The following SCRIB variants were observed in gnomAD, a reference collection of about 807,000 sequenced individuals.
SCRIB encodes scribble planar cell polarity protein, also known as protein scribble homolog.
A neutral mutation model predicts 170.0 loss-of-function variants in SCRIB; 72 were observed. The ratio of observed to expected loss-of-function variants is 0.42; its 90% CI spans 0.35 to 0.52. The LOEUF (loss-of-function observed/expected upper bound fraction) is 0.52, where lower values mean the gene tolerates loss of function less well. SCRIB is among the 20% of genes least tolerant of loss of function. The probability of loss-of-function intolerance (pLI) is 0.02; values close to 1 mark genes in which losing one functional copy is unlikely to be tolerated. For synonymous variants in SCRIB, 1,298 were observed against 1,044.3 expected (o/e 1.24, Z -4.68); for missense variants, 2,475 against 2,338.5 (o/e 1.06, Z -1.20).
intron 24 of SCRIB, among the ~76,000 whole-genome samples, chr8:143,801,168 A>C (rs1409487797): frequency 6.6e-6 from 1 of 152,216 alleles, no homozygotes; most frequent in Non-Finnish European, 1.5e-5. Flanking sequence ...TTTCCCCCAA[A>C]TCACTGGGGA....
chr8:143,796,006 G>A (rs190743416), intron 24 of SCRIB, among the ~76,000 whole-genome samples: 25 of 152,218 alleles, frequency 1.6e-4, no homozygotes, highest in African/African-American at 1.2e-4. Flanking sequence ...CAGGAGGCCC[G>A]GCCAGCTCTG....
At chr8:143,798,026 A>G (rs541441814) in intron 24 of SCRIB, among the ~76,000 whole-genome samples, 10 of 152,256 alleles carry the variant, frequency 6.6e-5, no homozygotes, top group Non-Finnish European at 1.3e-4. Flanking sequence ...GTCTGGGAGC[A>G]GAGAGATGGA....
intron 15 of SCRIB, 44 bp downstream of exon 15, chr8:143,808,565 G>T: frequency 6.7e-7 from 1 of 1,492,920 alleles, no homozygotes; most frequent in South Asian, 1.4e-5. Flanking sequence ...TGCCCAGGAG[G>T]GCCAGGGGAA....
intron 24 of SCRIB, 120 bp downstream of exon 24, chr8:143,803,263 G>A (rs1815248618): frequency 3.1e-6 from 3 of 967,928 alleles, no homozygotes; most frequent in Admixed American, 6.0e-5. Flanking sequence ...CAGAGCCGCA[G>A]AGCACCGCCC....
chr8:143,791,358 G>A (rs1554632574), intron 36 of SCRIB, 31 bp downstream of exon 36: 1 of 1,601,718 alleles, frequency 6.2e-7, no homozygotes, highest in East Asian at 2.3e-5. Flanking sequence ...CTGGGCTCCT[G>A]GGAGCTCACC....
At chr8:143,792,464 G>A (rs200622215) in intron 31 of SCRIB, 21 bp downstream of exon 31, 53 of 1,520,986 alleles carry the variant, frequency 3.5e-5, no homozygotes, top group Admixed American at 2.5e-4. Context: ...AGTAGGGGGC[G>A]TCTGGTGGGC....
In SCRIB at chr8:143,808,839, G is replaced by A. The variant is rs768616017; in HGVS notation, c.1885C>T (p.Leu629=). Residue 629 remains leucine (L), a synonymous_variant, in exon 15 of 37, where the codon CTG becomes TTG. Coordinates refer to ENST00000356994, the MANE Select transcript of SCRIB (RefSeq NM_182706.5). Reference sequence around the variant, plus strand: ...TCCCCATCAGGCTGCATGCCCTGCAGCAGAGCCACAACGGCCTCGGGCTGG... The same window carrying A: ...TCCCCATCAGGCTGCATGCCCTGCAACAGAGCCACAACGGCCTCGGGCTGG... ...LPQPEAVVAL[L]QGMQPDGEGP... is the part of the protein sequence containing the mutation. The A allele has an allele frequency of 2.5e-6, 4 of 1,611,454 alleles. No individual in the cohort carries two copies. In the South Asian group the frequency reaches 3.3e-5, roughly 13 times the overall value.
In SCRIB at chr8:143,803,464, C is replaced by T. The variant is rs140741334; in HGVS notation, c.3522G>A (p.Val1174=). The T allele has an allele frequency of 3.6e-5, 58 of 1,598,616 alleles. No individual in the cohort carries two copies. The highest frequency in any genetic ancestry group is 4.7e-5 in the Non-Finnish European group (55 of 1,178,616). Residue 1174 remains valine, a synonymous_variant, in exon 24 of 37, where the codon GTG becomes GTA. Coordinates refer to ENST00000356994, the MANE Select transcript of SCRIB (RefSeq NM_182706.5). ...SLLGLTHGEA[V]QLLRSVGDTL... ...TGTCGCCCACACTGCGGAGCAGCTG[C>T]ACCGCCTCGCCGTGCGTCAGGCCCA...
At chr8:143,804,463 T>A (rs1815318472) in intron 21 of SCRIB, 105 bp downstream of exon 21, 1 of 1,261,464 alleles carries the variant, frequency 7.9e-7, no homozygotes, top group Admixed American at 3.0e-5. Context: ...GCAGGCCGGC[T>A]TCCCACCTGG....
chr8:143,814,977 C>T (rs1815998503), intron 1 of SCRIB: 3 of 506,198 alleles, frequency 5.9e-6, no homozygotes, highest in Admixed American at 3.9e-5. Context: ...TCTGAGGCTC[C>T]GCCTCCAGGC....
intron 9 of SCRIB, 66 bp downstream of exon 9, chr8:143,812,200 G>GA (rs1815764317): frequency 9.6e-7 from 1 of 1,045,630 alleles, no homozygotes; most frequent in Admixed American, 1.7e-5. Flanking sequence ...GACACAGGCT[G>GA]ATGCCCTGTC....
chr8:143,811,845 T>A (rs4875059), intron 9 of SCRIB, among the ~76,000 whole-genome samples: 92 of 152,234 alleles, frequency 6.0e-4, no homozygotes, highest in African/African-American at 2.0e-3. Context: ...TTTCCCAGCC[T>A]GGGGATGGGG....
Position 143,812,898 on chromosome 8 carries a change from G to A in SCRIB, c.706C>T (p.Pro236Ser), listed in dbSNP as rs1815810840. 6.2e-6 allele frequency: 10 copies of A among 1,611,314 alleles called. No homozygotes were observed. Among genetic ancestry groups the A allele is most frequent in the Non-Finnish European group, 8.5e-6 (10 of 1,179,906 alleles). ...DVSENRLEEL[P>S]AELGGLVLLT... Reference sequence around the variant, plus strand: ...AGCACCAGCCCGCCGAGCTCAGCAGGCAGCTCCTCCAGCCGGTTTTCCGAC... The same window carrying A: ...AGCACCAGCCCGCCGAGCTCAGCAGACAGCTCCTCCAGCCGGTTTTCCGAC... Residue 236 changes from proline (P) to serine (S), a missense_variant, in exon 8 of 37, where the codon CCT (proline) becomes TCT (serine). Around this residue, in one of 3 missense-constraint regions of SCRIB, gnomAD observed 487 missense variants for 558.1 expected, o/e 0.87. Transcript: ENST00000356994.
intron 14 of SCRIB, 53 bp from the exon 15 acceptor site, chr8:143,809,078 A>G: frequency 1.3e-6 from 2 of 1,558,984 alleles, no homozygotes. Flanking sequence ...GTGCTTCCAC[A>G]GGAAGACCCT....
rs560593220 is a variant in SCRIB, at chr8:143,803,107, C to T, written c.3603+276G>A. ...TCTTTTAGGACCAGACCACGTAGTG[C>T]GTCCCAAACACACGCCCCTCCCACC... On this transcript the variant is annotated intron_variant, in intron 24 of 36. Coordinates refer to ENST00000356994, the MANE Select transcript of SCRIB (RefSeq NM_182706.5). Among the ~76,000 whole-genome samples the T allele has an allele frequency of 5.3e-5, 8 of 152,276 alleles. No homozygotes were observed. In the East Asian group the frequency reaches 9.7e-4, roughly 18 times the overall value.
Position 143,808,809 on chromosome 8 carries a change from G to A in SCRIB, c.1915C>T (p.Pro639Ser), listed in dbSNP as rs1554637290. ...LQGMQPDGEGPVAPGGWHNGP... is the reference protein window; with the variant it reads ...LQGMQPDGEGSVAPGGWHNGP... ...TTGTGCCAGCCCCCGGGAGCCACAG[G>A]GCCCTCCCCATCAGGCTGCATGCCC... The change falls in exon 15 of 37, where the codon CCT becomes TCT. Residue 639 changes from proline (P) to serine (S), a missense_variant. Physicochemically the swap from Pro to Ser is moderately conservative, Grantham distance 74 (BLOSUM62 -1). This residue lies in a region of SCRIB where 1,966 missense variants were observed against 1,742.9 expected (regional missense o/e 1.13). Transcript: ENST00000356994. The A allele has an allele frequency of 1.9e-6, 3 of 1,612,228 alleles. No individual in the cohort carries two copies. The highest frequency in any genetic ancestry group is 2.5e-6 in the Non-Finnish European group (3 of 1,179,588).
chr8:143,798,864 C>T (rs1815055369), intron 24 of SCRIB, among the ~76,000 whole-genome samples: 1 of 152,098 alleles, frequency 6.6e-6, no homozygotes, highest in Non-Finnish European at 1.5e-5. Flanking sequence ...GGCCAGGTCC[C>T]ACACAAAAAT....
At chr8:143,792,161 T>C (rs374723800) in intron 32 of SCRIB, 28 bp from the exon 33 acceptor site, 3 of 1,558,108 alleles carry the variant, frequency 1.9e-6, no homozygotes, top group Admixed American at 3.6e-5. Flanking sequence ...CAGGGGTGAC[T>C]TGGGGCAGGA....
At chr8:143,794,157 C>G in intron 27 of SCRIB, 195 bp from the exon 28 acceptor site, 1 of 580,962 alleles carries the variant, frequency 1.7e-6, no homozygotes, top group Non-Finnish European at 3.1e-6. Flanking sequence ...GATGCGGGGG[C>G]CTGGGCTGGG....
Sources: allele counts gnomAD v4.1 joint callset (sites outside exome capture counted in the v4.1 genomes callset), GRCh38; gene constraint gnomAD v4.1.1; regional missense constraint gnomAD v4.1.1; transcripts MANE v1.5; gene names NCBI Gene and HGNC (gene_info 2026-07-23, HGNC 2026-07-21).